Variants in FAM78B observed in about 807,000 individuals in gnomAD.
FAM78B encodes the protein family with sequence similarity 78 member B.
FAM78B carries 10 observed loss-of-function variants against 20.0 expected under a neutral mutation model. The ratio of observed to expected loss-of-function variants is 0.50; its 90% CI spans 0.31 to 0.85. FAM78B has a LOEUF of 0.85. Ranked by LOEUF, FAM78B falls within the 40% of genes least tolerant of loss-of-function variation. The probability of loss-of-function intolerance (pLI) is 0.05; values close to 1 mark genes in which losing one functional copy is unlikely to be tolerated. For synonymous variants in FAM78B, 135 were observed against 132.8 expected, an observed-to-expected ratio of 1.02 and a Z score of -0.12; for missense variants, 283 against 345.0, an observed-to-expected ratio of 0.82 and a Z score of 1.42.
At chr1:166,154,916 C>T in intron 1 of FAM78B, 2 of 446,736 alleles carry the variant, frequency 4.5e-6, no homozygotes, top group East Asian at 1.4e-4. Context: ...TGTTGATCTA[C>T]CACTTGCATT....
chr1:166,154,759 A>G (rs779291725), intron 1 of FAM78B: 9 of 514,664 alleles, frequency 1.7e-5, no homozygotes, highest in African/African-American at 9.6e-5. Flanking sequence ...ATCCAGGCCC[A>G]TGGACCTGAG....
chr1:166,128,231 C>G (rs1357956434), intron 1 of FAM78B, among the ~76,000 whole-genome samples: 1 of 137,532 alleles, frequency 7.3e-6, no homozygotes, highest in Non-Finnish European at 1.6e-5. Context: ...TCATTTTATA[C>G]TTTCCTCATT....
At chr1:166,134,441 C>T (rs1375963052) in intron 1 of FAM78B, among the ~76,000 whole-genome samples, 1 of 151,918 alleles carries the variant, frequency 6.6e-6, no homozygotes, top group African/African-American at 2.4e-5. Context: ...GGGCTGAGTA[C>T]CCCCTAGCTT....
At chr1:166,078,952 G>A (rs1205966462) in intron 1 of FAM78B, among the ~76,000 whole-genome samples, 1 of 142,768 alleles carries the variant, frequency 7.0e-6, no homozygotes, top group Non-Finnish European at 1.5e-5. Flanking sequence ...TTTCTTTAGA[G>A]ATGGGGTCTC....
intron 1 of FAM78B, among the ~76,000 whole-genome samples, chr1:166,089,942 C>T (rs1460728032): frequency 6.6e-6 from 1 of 152,222 alleles, no homozygotes; most frequent in Non-Finnish European, 1.5e-5. Flanking sequence ...CGAGACTCAG[C>T]TCCCACTGTC....
At chr1:166,088,116 A>T (rs142745638) in intron 1 of FAM78B, among the ~76,000 whole-genome samples, 233 of 152,244 alleles carry the variant, frequency 1.5e-3, no homozygotes, top group Non-Finnish European at 2.6e-3. Flanking sequence ...CACTCAAGAG[A>T]CTGGCTTTTG....
rs144916602 is a variant in FAM78B, at chr1:166,150,869, G to A, written c.263+15117C>T. 1.8e-3 allele frequency among the ~76,000 whole-genome samples: 272 copies of A among 152,256 alleles called. 1 individual carries two copies. In the South Asian group the frequency reaches 0.02, roughly 11 times the overall value. ...TTGGGAGGCTGAGGCAGGATTACCT[G>A]AGCCCAGGAGTTTGAGACTAGCCTG... is the stretch of plus-strand genomic sequence containing the variant. On this transcript the variant is annotated intron_variant, in intron 1 of 1. Coordinates refer to ENST00000354422, the MANE Select transcript of FAM78B (RefSeq NM_001017961.5).
At chr1:166,096,297 C>CTGGT (rs1653273181) in intron 1 of FAM78B, among the ~76,000 whole-genome samples, 1 of 152,168 alleles carries the variant, frequency 6.6e-6, no homozygotes, top group Non-Finnish European at 1.5e-5. Flanking sequence ...TGAGGGCAGG[C>CTGGT]TGGTCACTGG....
intron 1 of FAM78B, among the ~76,000 whole-genome samples, chr1:166,099,552 T>C (rs549778868): frequency 6.6e-6 from 1 of 152,188 alleles, no homozygotes; most frequent in Non-Finnish European, 1.5e-5. Flanking sequence ...AAGACTCATA[T>C]AAAGTTAAAT....
chr1:166,072,597 C>A (rs909948707), intron 1 of FAM78B, among the ~76,000 whole-genome samples: 1 of 152,146 alleles, frequency 6.6e-6, no homozygotes, highest in Non-Finnish European at 1.5e-5. Flanking sequence ...CATGAAATAA[C>A]CATACTGGAG....
chr1:166,161,628 CAG>C (rs890566242), intron 1 of FAM78B, among the ~76,000 whole-genome samples: 3 of 152,076 alleles, frequency 2.0e-5, no homozygotes, highest in South Asian at 2.1e-4. Context: ...TAGCAGTAGA[CAG>C]AGAGAGTGGT....
chr1:166,105,991 T>G (rs1270410878), intron 1 of FAM78B, among the ~76,000 whole-genome samples: 1 of 151,888 alleles, frequency 6.6e-6, no homozygotes, highest in Admixed American at 6.6e-5. Context: ...ATTAACAAAA[T>G]GTGGCACATA....
intron 1 of FAM78B, among the ~76,000 whole-genome samples, chr1:166,088,257 G>A (rs189767234): frequency 6.6e-6 from 1 of 152,298 alleles, no homozygotes; most frequent in Admixed American, 6.5e-5. Context: ...GGTGCTTTAT[G>A]ACTCGTCTGT....
chr1:166,139,945 T>C (rs1655217694), intron 1 of FAM78B, among the ~76,000 whole-genome samples: 1 of 152,112 alleles, frequency 6.6e-6, no homozygotes, highest in African/African-American at 2.4e-5. Context: ...GCCTCCCTAC[T>C]ACCACCACCA....
At chr1:166,136,298 T>C (rs1019362630) in intron 1 of FAM78B, among the ~76,000 whole-genome samples, 11 of 152,128 alleles carry the variant, frequency 7.2e-5, no homozygotes, top group Non-Finnish European at 1.5e-4. Context: ...TTCCAAGAAG[T>C]GCCAAGTGCT....
At chr1:166,104,114 C>T (rs1252355597) in intron 1 of FAM78B, among the ~76,000 whole-genome samples, 1 of 152,194 alleles carries the variant, frequency 6.6e-6, no homozygotes, top group Non-Finnish European at 1.5e-5. Context: ...ACATGATTAT[C>T]TCAATAGATG....
intron 1 of FAM78B, among the ~76,000 whole-genome samples, chr1:166,090,505 G>A (rs560365524): frequency 1.3e-5 from 2 of 152,290 alleles, no homozygotes; most frequent in South Asian, 4.1e-4. Flanking sequence ...GCTCTCCAAG[G>A]TCACAGGCTA....
intron 1 of FAM78B, among the ~76,000 whole-genome samples, chr1:166,076,260 C>T (rs183162084): frequency 1.1e-4 from 17 of 152,250 alleles, no homozygotes; most frequent in Admixed American, 3.9e-4. Flanking sequence ...CTACATGATC[C>T]GGTTCCCTAT....
At chr1:166,057,461 CT>C (rs112497612) in exon 3 of FAM78B, 1 of 151,988 alleles carries the variant, frequency 6.6e-6, no homozygotes. Flanking sequence ...CTGTATTTAA[CT>C]TTTTTTAATC....
Sources: allele counts gnomAD v4.1 joint callset (sites outside exome capture counted in the v4.1 genomes callset), GRCh38; gene constraint gnomAD v4.1.1; transcripts MANE v1.5; gene names NCBI Gene and HGNC (gene_info 2026-07-23, HGNC 2026-07-21).